The following SUGCT variants were observed in gnomAD, a reference collection of about 807,000 sequenced individuals.
The protein encoded by SUGCT is succinyl-CoA:glutarate CoA-transferase.
A neutral mutation model predicts 55.0 loss-of-function variants in SUGCT; 41 were observed. The ratio of observed to expected loss-of-function variants is 0.74; its 90% confidence interval spans 0.58 to 0.97. SUGCT has a LOEUF of 0.97. Ranked by LOEUF, SUGCT falls within the 50% of genes least tolerant of loss-of-function variation. The pLI is 0.00. For missense variants in SUGCT, 568 were observed against 547.8 expected (o/e 1.04, Z -0.37); for synonymous variants, 187 against 200.4 (o/e 0.93, Z 0.56).
intron 12 of SUGCT, among the ~76,000 whole-genome samples, chr7:40,742,410 G>C (rs1317529696): frequency 2.0e-5 from 3 of 152,086 alleles, no homozygotes; most frequent in Non-Finnish European, 4.4e-5. Context: ...GACGGGGATG[G>C]GGGATGGTTT....
chr7:40,904,775 G>A, the SUGCT span, among the ~76,000 whole-genome samples: 8 of 152,102 alleles, frequency 5.3e-5, no homozygotes, highest in Non-Finnish European at 1.0e-4. Context: ...TTTAGGTTTA[G>A]GGAAGTAAGT....
chr7:40,858,411 AAAAAAAAAAAAAAAAAAAG>A (rs1377828036), intron 13 of SUGCT, among the ~76,000 whole-genome samples: 3 of 122,568 alleles, frequency 2.4e-5, no homozygotes, highest in Non-Finnish European at 3.8e-5. Flanking sequence ...CTCAAAAAAA[AAAAAAAAAAAAAAAAAAAG>A]AAAAGAAATG....
intron 12 of SUGCT, among the ~76,000 whole-genome samples, chr7:40,533,951 AT>A (rs1317948680): frequency 2.0e-5 from 3 of 152,156 alleles, no homozygotes; most frequent in Non-Finnish European, 2.9e-5. Context: ...TTTAATTGCC[AT>A]TTTCTCTGAA....
intron 12 of SUGCT, among the ~76,000 whole-genome samples, chr7:40,682,845 AAGTTATATTT>A (rs1784314445): frequency 1.3e-5 from 2 of 151,950 alleles, no homozygotes; most frequent in African/African-American, 4.8e-5. Context: ...ATGTGGATCT[AAGTTATATTT>A]ATCTCATTCC....
chr7:40,495,055 C>T (rs1230865637), intron 11 of SUGCT, among the ~76,000 whole-genome samples: 3 of 151,904 alleles, frequency 2.0e-5, no homozygotes, highest in East Asian at 3.9e-4. Flanking sequence ...GGATTACAGG[C>T]ACCCGCCACC....
intron 13 of SUGCT, among the ~76,000 whole-genome samples, chr7:40,765,520 TAAAA>T (rs1389697020): frequency 6.7e-6 from 1 of 149,982 alleles, no homozygotes; most frequent in African/African-American, 2.4e-5. Context: ...AAATAAAAAA[TAAAA>T]AATAACGAAC....
chr7:40,427,727 A>G (rs558597993), intron 9 of SUGCT, among the ~76,000 whole-genome samples: 1 of 152,278 alleles, frequency 6.6e-6, no homozygotes, highest in Admixed American at 6.5e-5. Flanking sequence ...CTATGGAGCA[A>G]GAATAGGCAG....
At chr7:41,037,740 C>CTTT in the SUGCT span, among the ~76,000 whole-genome samples, 2 of 136,704 alleles carry the variant, frequency 1.5e-5, no homozygotes, top group Non-Finnish European at 3.2e-5. Context: ...CATGTGTGCA[C>CTTT]TTTTTTTTTT....
chr7:41,013,378 GA>G, the SUGCT span, among the ~76,000 whole-genome samples: 2 of 152,040 alleles, frequency 1.3e-5, no homozygotes, highest in Non-Finnish European at 2.9e-5. Flanking sequence ...ATTCACAGAC[GA>G]ACAAAAAACA....
chr7:40,219,509 G>T (rs540686593), intron 6 of SUGCT, among the ~76,000 whole-genome samples: 1 of 152,104 alleles, frequency 6.6e-6, no homozygotes, highest in Admixed American at 6.6e-5. Context: ...CCAAATGAAG[G>T]GGGGAGAAAG....
intron 7 of SUGCT, among the ~76,000 whole-genome samples, chr7:40,242,918 TATATATATATATA>T (rs1789509756): frequency 3.8e-5 from 1 of 26,002 alleles, no homozygotes; most frequent in Non-Finnish European, 8.2e-5. Context: ...TATATATATA[TATATATATATATA>T]TATTTTTTTT....
chr7:40,380,322 A>G (rs1379502835), intron 9 of SUGCT, among the ~76,000 whole-genome samples: 1 of 152,190 alleles, frequency 6.6e-6, no homozygotes, highest in Non-Finnish European at 1.5e-5. Flanking sequence ...TTTTAAACAC[A>G]TGCTCCCTGG....
intron 12 of SUGCT, among the ~76,000 whole-genome samples, chr7:40,583,463 T>G (rs1173758071): frequency 1.3e-5 from 2 of 152,194 alleles, no homozygotes; most frequent in Non-Finnish European, 1.5e-5. Flanking sequence ...TTTCCGTTGG[T>G]AGTTTAAATA....
chr7:40,182,051 A>G, intron 3 of SUGCT, 23 bp downstream of exon 3: 1 of 1,360,016 alleles, frequency 7.4e-7, no homozygotes, highest in Non-Finnish European at 1.0e-6. Flanking sequence ...CTCCCTTTAA[A>G]AAATAGAAAC....
intron 11 of SUGCT, among the ~76,000 whole-genome samples, chr7:40,482,032 G>T (rs887101014): frequency 5.3e-5 from 8 of 152,078 alleles, no homozygotes; most frequent in African/African-American, 1.7e-4. Context: ...AATGAAACTT[G>T]TTCCGTGAAT....
intron 6 of SUGCT, among the ~76,000 whole-genome samples, chr7:40,198,574 T>A (rs1022642933): frequency 6.6e-6 from 1 of 152,134 alleles, no homozygotes; most frequent in Non-Finnish European, 1.5e-5. Context: ...AAATTTGATT[T>A]TCTTGGCTGG....
chr7:40,600,243 A>ATG (rs1798226778), intron 12 of SUGCT, among the ~76,000 whole-genome samples: 1 of 152,096 alleles, frequency 6.6e-6, no homozygotes, highest in Admixed American at 6.5e-5. Flanking sequence ...CTCATTTCTT[A>ATG]TGTGTGTGTG....
intron 12 of SUGCT, among the ~76,000 whole-genome samples, chr7:40,633,993 G>A (rs184123272): frequency 5.9e-5 from 9 of 152,102 alleles, no homozygotes; most frequent in African/African-American, 2.2e-4. Context: ...TGAAAATATA[G>A]GGATCGTCAT....
intron 9 of SUGCT, among the ~76,000 whole-genome samples, chr7:40,341,150 T>C (rs1273672641): frequency 6.6e-6 from 1 of 152,204 alleles, no homozygotes; most frequent in Non-Finnish European, 1.5e-5. Context: ...GAGGAGACCC[T>C]ACAATCTATT....
Sources: allele counts gnomAD v4.1 joint callset (sites outside exome capture counted in the v4.1 genomes callset), GRCh38; gene constraint gnomAD v4.1.1; transcripts MANE v1.5; gene names NCBI Gene and HGNC (gene_info 2026-07-23, HGNC 2026-07-21).